Variants in CFL1 observed in about 807,000 individuals in gnomAD.
CFL1 encodes cofilin-1.
CFL1 carries 2 observed loss-of-function variants against 16.3 expected under a neutral mutation model. The ratio of observed to expected loss-of-function variants is 0.12; its 90% confidence interval spans 0.05 to 0.39. CFL1 has a LOEUF of 0.39. Among genes scored for constraint, CFL1 ranks in the 10% least tolerant of loss-of-function variants. The pLI is 0.99. For synonymous variants in CFL1, 111 were observed against 84.4 expected (o/e 1.31, Z -1.73); for missense variants, 75 against 212.2 (o/e 0.35, Z 4.02).
intron 1 of CFL1, chr11:65,857,223 G>A (rs968936539): frequency 4.0e-6 from 1 of 248,752 alleles, no homozygotes; most frequent in South Asian, 2.8e-5. Context: ...CATAACCTTC[G>A]GTTTTCTCAG....
chr11:65,855,616 A>G (rs1859372003), intron 3 of CFL1, 38 bp downstream of exon 3: 3 of 1,560,916 alleles, frequency 1.9e-6, no homozygotes, highest in Middle Eastern at 3.4e-4. Context: ...AGCCAAGGCC[A>G]GAGCAGAAGG....
intron 1 of CFL1, chr11:65,856,566 A>G (rs941097890): frequency 3.1e-6 from 1 of 318,878 alleles, no homozygotes; most frequent in South Asian, 3.0e-5. Context: ...TGCTACTCAC[A>G]GTACTTGCTC....
chr11:65,855,569 G>T, intron 3 of CFL1, 85 bp downstream of exon 3: 1 of 1,551,682 alleles, frequency 6.4e-7, no homozygotes, highest in South Asian at 1.2e-5. Context: ...AAGACAAGGG[G>T]GCAGACCCCC....
intron 1 of CFL1, chr11:65,857,337 C>T (rs533744885): frequency 8.4e-6 from 3 of 355,140 alleles, no homozygotes; most frequent in Non-Finnish European, 1.7e-5. Context: ...CCGGGAAGGC[C>T]TCGCTGGCCC....
chr11:65,855,420 G>A lies in CFL1; in HGVS notation c.417C>T (p.Cys139=), dbSNP rs11550159. 2 of 1,613,534 alleles carry A rather than the reference G, an allele frequency of 1.2e-6. No homozygotes were observed. The highest frequency in any genetic ancestry group is 1.7e-6 in the Non-Finnish European group (2 of 1,179,824). Residue 139 remains cysteine, a synonymous_variant, in exon 4 of 4, where the codon TGC becomes TGT. Transcript: ENST00000308162. ...TGIKHELQAN[C]YEEVKDRCTL... ...TGCAGCGGTCCTTGACCTCCTCGTA[G>A]CAGTTTGCTTGCAATTCATGCTTGA... is the stretch of plus-strand genomic sequence containing the variant.
At chr11:65,857,473 G>C in intron 1 of CFL1, 1 of 403,774 alleles carries the variant, frequency 2.5e-6, no homozygotes, top group South Asian at 1.7e-5. Flanking sequence ...AACGGGCCGC[G>C]GTCTCTGCGA....
Position 65,858,149 on chromosome 11 carries a change from G to C in CFL1, c.-50C>G. The C allele has an allele frequency of 6.6e-7, 1 of 1,515,794 alleles. No homozygotes were observed. 93.9% of individuals were successfully genotyped at this position (1,515,794 alleles called of 1,614,324 possible). A position where few individuals can be genotyped will look rare whatever the true frequency, so the allele number is the denominator to read the frequency against. On this transcript the variant is annotated 5_prime_UTR_variant, in exon 1 of 4. Coordinates refer to ENST00000308162, the MANE Select transcript of CFL1 (RefSeq NM_005507.3). ...GCACCGAGAGCCGCAGAAGACGAGAGCGCTGCAGCCGCTGCCGGGACCCGA... is the reference window on the plus strand; with the variant it reads ...GCACCGAGAGCCGCAGAAGACGAGACCGCTGCAGCCGCTGCCGGGACCCGA...
intron 1 of CFL1, chr11:65,856,678 T>C: frequency 5.0e-6 from 1 of 200,928 alleles, no homozygotes; most frequent in South Asian, 6.9e-5. Context: ...CCCACAATGC[T>C]AGATGGGACC....
intron 3 of CFL1, 39 bp from the exon 4 acceptor site, chr11:65,855,487 A>T (rs576817857): frequency 1.3e-6 from 2 of 1,598,288 alleles, no homozygotes; most frequent in Non-Finnish European, 1.7e-6. Flanking sequence ...AGCAGGAAGC[A>T]CTGGGGTGGG....
Position 65,855,638 on chromosome 11 carries a change from C to A in CFL1, c.388+16G>T, listed in dbSNP as rs780242931. On this transcript the variant is annotated intron_variant, in intron 3 of 3. Transcript: ENST00000308162. ...GCCAGAGCAGAAGGGCACTCAGCAC[C>A]AATGCTGGCCCTTACCTGTCAGCTT... 1 of 1,560,988 alleles carries A rather than the reference C, an allele frequency of 6.4e-7. No individual in the cohort carries two copies. The highest frequency in any genetic ancestry group is 8.7e-7 in the Non-Finnish European group (1 of 1,153,468).
chr11:65,855,276 GC>G lies in CFL1; in HGVS notation c.*59del. ...CGGTCTGGCAGGAAGGGGGCAGCCTGCAACCCCCAAGGGCAGGTGTGGGGCT... is the reference window on the plus strand; with the variant it reads ...CGGTCTGGCAGGAAGGGGGCAGCCTGAACCCCCAAGGGCAGGTGTGGGGCT... On this transcript the variant is annotated 3_prime_UTR_variant, in exon 4 of 4. Transcript: ENST00000308162. 5 of 1,440,524 alleles carry G rather than the reference GC, an allele frequency of 3.5e-6. No homozygotes were observed. Among genetic ancestry groups the G allele is most frequent in the Non-Finnish European group, 4.9e-6 (5 of 1,026,066 alleles). 89.2% of individuals were successfully genotyped at this position (1,440,524 alleles called of 1,614,324 possible).
intron 1 of CFL1, 114 bp downstream of exon 1, chr11:65,857,983 C>T: frequency 1.7e-6 from 2 of 1,203,492 alleles, no homozygotes; most frequent in Non-Finnish European, 2.2e-6. Context: ...GCGAGACCCT[C>T]ATCCCGCCCG....
Position 65,857,494 on chromosome 11 carries a change from A to G in CFL1, c.3+603T>C, listed in dbSNP as rs112906941. Reference sequence around the variant, plus strand: ...CCGCGGTCTCTGCGATGCCCCCTCCAAGCCTTGCGGTGCAAGGCCTTAATC... The same window carrying G: ...CCGCGGTCTCTGCGATGCCCCCTCCGAGCCTTGCGGTGCAAGGCCTTAATC... On this transcript the variant is annotated intron_variant, in intron 1 of 3. Coordinates refer to ENST00000308162, the MANE Select transcript of CFL1 (RefSeq NM_005507.3). 350 of 382,632 alleles carry G rather than the reference A, an allele frequency of 9.1e-4. 1 individual carries two copies. Among genetic ancestry groups the G allele is most frequent in the African/African-American group, 6.7e-3 (314 of 46,610 alleles). The allele number at this position is 382,632 out of a possible 1,614,324, so 23.7% of individuals were successfully genotyped here.
In CFL1 at chr11:65,855,459, G is replaced by A. The variant is rs779369428; in HGVS notation, c.389-11C>T. The A allele has an allele frequency of 2.5e-5, 40 of 1,612,476 alleles. No homozygotes were observed. The highest frequency in any genetic ancestry group is 2.3e-4 in the African/African-American group (17 of 74,890). On this transcript the variant is annotated splice_polypyrimidine_tract_variant and intron_variant, in intron 3 of 3. Transcript: ENST00000308162. ...ATTCATGCTTGATCCCTATAAAGAA[G>A]AAAGGGGAGCATCTGTGAGCAGGAA... is the stretch of plus-strand genomic sequence containing the variant.
intron 1 of CFL1, chr11:65,857,315 A>C: frequency 3.0e-6 from 1 of 334,950 alleles, no homozygotes; most frequent in Admixed American, 3.5e-5. Flanking sequence ...CTCCACCCTC[A>C]CTCAGGCCCA....
chr11:65,857,817 G>A (rs552286902), intron 1 of CFL1: 1 of 242,496 alleles, frequency 4.1e-6, no homozygotes, highest in South Asian at 1.7e-4. Flanking sequence ...GCGCCCCAGC[G>A]CGCGCCCCGA....
chr11:65,858,120 G>A lies in CFL1; in HGVS notation c.-21C>T. On this transcript the variant is annotated 5_prime_UTR_variant, in exon 1 of 4. Transcript: ENST00000308162. ...ACCATGTTTCCGGAAACGAAAAGGAGAGGGCACCGAGAGCCGCAGAAGACG... is the reference window on the plus strand; with the variant it reads ...ACCATGTTTCCGGAAACGAAAAGGAAAGGGCACCGAGAGCCGCAGAAGACG... 2.0e-6 allele frequency: 3 copies of A among 1,527,040 alleles called. No homozygotes were observed. Among genetic ancestry groups the A allele is most frequent in the South Asian group, 2.4e-5 (2 of 81,694 alleles). The allele number at this position is 1,527,040 out of a possible 1,614,324, so 94.6% of individuals were successfully genotyped here.
At chr11:65,856,582 C>T in intron 1 of CFL1, 1 of 276,970 alleles carries the variant, frequency 3.6e-6, no homozygotes, top group South Asian at 3.7e-5. Flanking sequence ...TGCTCTCAGC[C>T]TTTGGATAAA....
In CFL1 at chr11:65,855,570, G is replaced by A. The variant is rs1349430221; in HGVS notation, c.388+84C>T. The stretch of plus-strand genomic sequence containing the variant: ...ACAAGCAGGCAGCGAAGACAAGGGG[G>A]CAGACCCCCTCTGCGTGCCATTCAC... On this transcript the variant is annotated intron_variant, in intron 3 of 3. Coordinates refer to ENST00000308162, the MANE Select transcript of CFL1 (RefSeq NM_005507.3). 7 of 1,551,342 alleles carry A rather than the reference G, an allele frequency of 4.5e-6. No individual in the cohort carries two copies. The Admixed American group carries it at 1.0e-4, about 23-fold the overall frequency.
Sources: gnomAD v4.1 joint callset for allele counts on GRCh38, gnomAD v4.1.1 for gene constraint, MANE v1.5 for transcripts, NCBI Gene and HGNC (gene_info 2026-07-23, HGNC 2026-07-21) for gene names.